Variants in SNX29 observed in about 807,000 individuals in gnomAD.
SNX29 encodes the protein sorting nexin-29.
A neutral mutation model predicts 102.1 loss-of-function variants in SNX29; 78 were observed. The ratio of observed to expected loss-of-function variants is 0.76; its 90% CI spans 0.64 to 0.92. The LOEUF (loss-of-function observed/expected upper bound fraction) is 0.92, where lower values mean the gene tolerates loss of function less well. Ranked by LOEUF, SNX29 falls within the 40% of genes least tolerant of loss-of-function variation. The pLI is 0.00. For missense variants in SNX29, 1,280 were observed against 1,061.7 expected, an observed-to-expected ratio of 1.21 and a Z score of -2.86; for synonymous variants, 580 against 414.5, an observed-to-expected ratio of 1.40 and a Z score of -4.85.
chr16:12,495,915 C>T (rs922592338), intron 19 of SNX29, among the ~76,000 whole-genome samples: 9 of 152,096 alleles, frequency 5.9e-5, no homozygotes, highest in South Asian at 4.1e-4. Flanking sequence ...TAGACAGATA[C>T]GGTGTCAGGT....
chr16:12,507,220 G>T (rs2089418345), intron 19 of SNX29, among the ~76,000 whole-genome samples: 1 of 152,204 alleles, frequency 6.6e-6, no homozygotes, highest in Admixed American at 6.5e-5. Context: ...CTGACTCCTG[G>T]CCTGGGTCCT....
intron 15 of SNX29, among the ~76,000 whole-genome samples, chr16:12,280,823 T>C (rs555557033): frequency 4.2e-4 from 64 of 152,346 alleles, no homozygotes; most frequent in African/African-American, 1.5e-3. Flanking sequence ...AAAGACTTGT[T>C]AGAGTAATGA....
At chr16:12,122,251 C>T (rs1258988078) in intron 11 of SNX29, among the ~76,000 whole-genome samples, 1 of 152,196 alleles carries the variant, frequency 6.6e-6, no homozygotes, top group Non-Finnish European at 1.5e-5. Context: ...TCGCCACCTT[C>T]CTTCGCGTCT....
intron 15 of SNX29, among the ~76,000 whole-genome samples, chr16:12,294,694 C>T (rs1181891625): frequency 6.6e-6 from 1 of 152,118 alleles, no homozygotes; most frequent in African/African-American, 2.4e-5. Flanking sequence ...CTCAGACCTG[C>T]CTATGTCCCC....
At chr16:12,287,022 AG>A (rs1567399449) in intron 15 of SNX29, among the ~76,000 whole-genome samples, 1 of 152,132 alleles carries the variant, frequency 6.6e-6, no homozygotes, top group East Asian at 1.9e-4. Context: ...AACGTCTTTT[AG>A]GGGGCCCCTG....
At chr16:12,466,112 T>G (rs778432090) in intron 18 of SNX29, among the ~76,000 whole-genome samples, 3 of 152,240 alleles carry the variant, frequency 2.0e-5, no homozygotes, top group Non-Finnish European at 2.9e-5. Flanking sequence ...TCCTGCCGCT[T>G]TGGTTCAATA....
chr16:11,999,499 C>T, intron 2 of SNX29, 141 bp downstream of exon 2: 4 of 857,198 alleles, frequency 4.7e-6, no homozygotes, highest in East Asian at 2.7e-5. Flanking sequence ...TCATTTTTCC[C>T]AGGAAATGAT....
chr16:12,538,089 C>T (rs755763074), intron 20 of SNX29, among the ~76,000 whole-genome samples: 2 of 151,280 alleles, frequency 1.3e-5, no homozygotes, highest in African/African-American at 2.4e-5. Flanking sequence ...GTGGGCTAAG[C>T]AAATTCACAG....
intron 16 of SNX29, among the ~76,000 whole-genome samples, chr16:12,367,656 A>G (rs1174484443): frequency 6.6e-6 from 1 of 152,258 alleles, no homozygotes; most frequent in Non-Finnish European, 1.5e-5. Flanking sequence ...TGAAAGCTTA[A>G]TAAGAAATCT....
At chr16:11,978,716 G>A (rs1567486618) in intron 1 of SNX29, among the ~76,000 whole-genome samples, 1 of 152,170 alleles carries the variant, frequency 6.6e-6, no homozygotes, top group Non-Finnish European at 1.5e-5. Context: ...TTTAGCACAA[G>A]AGACAATGAA....
At chr16:12,156,213 G>A (rs924330349) in intron 13 of SNX29, among the ~76,000 whole-genome samples, 26 of 151,974 alleles carry the variant, frequency 1.7e-4, no homozygotes, top group Admixed American at 3.3e-4. Context: ...TTGCTCTGTC[G>A]CCCAGGCTGG....
At chr16:12,484,626 T>C (rs2088136808) in intron 19 of SNX29, among the ~76,000 whole-genome samples, 1 of 152,074 alleles carries the variant, frequency 6.6e-6, no homozygotes, top group East Asian at 1.9e-4. Context: ...CTAAGACATC[T>C]ACACTGATCT....
At chr16:12,396,332 A>T (rs2083720074) in intron 16 of SNX29, among the ~76,000 whole-genome samples, 1 of 152,182 alleles carries the variant, frequency 6.6e-6, no homozygotes, top group Admixed American at 6.6e-5. Flanking sequence ...TGTGGGGTAG[A>T]TACAGCCAGA....
intron 19 of SNX29, among the ~76,000 whole-genome samples, chr16:12,506,126 A>C (rs780866060): frequency 6.6e-6 from 1 of 152,070 alleles, no homozygotes; most frequent in Non-Finnish European, 1.5e-5. Context: ...ACACCTGGCT[A>C]GTTTTTGTAT....
chr16:12,558,233 C>CT (rs1265177545), intron 20 of SNX29, among the ~76,000 whole-genome samples: 2 of 18,648 alleles, frequency 1.1e-4, no homozygotes, highest in Non-Finnish European at 6.8e-4. Flanking sequence ...TCTCTTCAGC[C>CT]CCCCCAGTAG....
At chr16:11,982,403 C>T (rs1393527642) in intron 1 of SNX29, among the ~76,000 whole-genome samples, 2 of 149,860 alleles carry the variant, frequency 1.3e-5, no homozygotes, top group African/African-American at 2.4e-5. Context: ...CCTTAAGTTC[C>T]TGGATGCTCC....
intron 3 of SNX29, among the ~76,000 whole-genome samples, chr16:12,013,723 C>T (rs1201503468): frequency 1.3e-5 from 2 of 151,262 alleles, no homozygotes; most frequent in African/African-American, 4.9e-5. Context: ...TGGCTCACTG[C>T]AACCTCTGCC....
chr16:12,305,306 A>AT (rs2080304488), intron 15 of SNX29, among the ~76,000 whole-genome samples: 1 of 152,222 alleles, frequency 6.6e-6, no homozygotes, highest in Non-Finnish European at 1.5e-5. Flanking sequence ...TGTTGCGAAG[A>AT]TCCCCCCCGG....
chr16:12,407,338 T>A (rs1258245589), intron 18 of SNX29, among the ~76,000 whole-genome samples: 1 of 152,034 alleles, frequency 6.6e-6, no homozygotes, highest in Non-Finnish European at 1.5e-5. Context: ...GTTTTTTTTT[T>A]TTCTGTATTC....
Sources: allele counts gnomAD v4.1 joint callset (sites outside exome capture counted in the v4.1 genomes callset), GRCh38; gene constraint gnomAD v4.1.1; transcripts MANE v1.5; gene names NCBI Gene and HGNC (gene_info 2026-07-23, HGNC 2026-07-21).